The following CCDC171 variants were observed in gnomAD, a reference collection of about 807,000 sequenced individuals.
CCDC171 encodes the protein coiled-coil domain-containing protein 171.
A neutral mutation model predicts 168.2 loss-of-function variants in CCDC171; 177 were observed. The ratio of observed to expected loss-of-function variants is 1.05; its 90% CI spans 0.93 to 1.19. The LOEUF is 1.19. CCDC171 is among the 50% of genes most tolerant of loss of function. CCDC171 has a pLI of 0.00. For synonymous variants in CCDC171, 687 were observed against 540.8 expected, an observed-to-expected ratio of 1.27 and a Z score of -3.75; for missense variants, 1,991 against 1,539.0, an observed-to-expected ratio of 1.29 and a Z score of -4.91.
intron 6 of CCDC171, among the ~76,000 whole-genome samples, chr9:15,601,962 A>C (rs906389066): frequency 6.6e-6 from 1 of 152,200 alleles, no homozygotes; most frequent in Non-Finnish European, 1.5e-5. Flanking sequence ...TGGTTATACC[A>C]AAGTTTATAT....
At chr9:15,760,525 C>T (rs1421558776) in intron 18 of CCDC171, among the ~76,000 whole-genome samples, 4 of 152,116 alleles carry the variant, frequency 2.6e-5, no homozygotes, top group African/African-American at 9.7e-5. Context: ...CCTCAGTATC[C>T]TAATCTGTAA....
At chr9:15,822,403 A>C (rs2059816413) in intron 21 of CCDC171, among the ~76,000 whole-genome samples, 1 of 151,876 alleles carries the variant, frequency 6.6e-6, no homozygotes, top group Admixed American at 6.6e-5. Context: ...GGCAACCTAC[A>C]GAATGGGAGA....
At chr9:15,682,710 C>T (rs1028509855) in intron 10 of CCDC171, among the ~76,000 whole-genome samples, 3 of 151,828 alleles carry the variant, frequency 2.0e-5, no homozygotes, top group African/African-American at 7.2e-5. Flanking sequence ...AGGTTTTCAA[C>T]ATAGGACATC....
At chr9:16,048,782 T>G (rs903199026) in intron 1 of CCDC171, among the ~76,000 whole-genome samples, 6 of 152,114 alleles carry the variant, frequency 3.9e-5, no homozygotes, top group African/African-American at 1.4e-4. Flanking sequence ...AGCATCCACC[T>G]TAAAGAGTTA....
intron 25 of CCDC171, among the ~76,000 whole-genome samples, chr9:15,940,011 T>C (rs187424704): frequency 7.2e-5 from 11 of 152,016 alleles, no homozygotes; most frequent in African/African-American, 2.6e-4. Flanking sequence ...TGTTTTTGTT[T>C]CTTCCAACAA....
At chr9:16,026,599 A>G (rs955633333) in intron 6 of CCDC171, among the ~76,000 whole-genome samples, 1 of 152,156 alleles carries the variant, frequency 6.6e-6, no homozygotes, top group African/African-American at 2.4e-5. Context: ...AATGGGAGAA[A>G]TATTCGCTTC....
At chr9:16,089,299 G>A in the CCDC171 span, among the ~76,000 whole-genome samples, 2 of 151,490 alleles carry the variant, frequency 1.3e-5, no homozygotes, top group East Asian at 3.9e-4. Flanking sequence ...TATAGCCATG[G>A]GCAAAAGTTT....
At chr9:16,018,359 G>T (rs3008710) in intron 3 of CCDC171, among the ~76,000 whole-genome samples, 13 of 151,926 alleles carry the variant, frequency 8.6e-5, no homozygotes, top group Non-Finnish European at 7.4e-5. Flanking sequence ...ACATTGCAGG[G>T]GGTTCCAAAG....
chr9:15,581,707 T>G (rs901150309), intron 4 of CCDC171, among the ~76,000 whole-genome samples: 1 of 151,934 alleles, frequency 6.6e-6, no homozygotes, highest in Non-Finnish European at 1.5e-5. Context: ...ATAAATTGTG[T>G]TGGGAAAACT....
chr9:16,079,724 T>C, the CCDC171 span, among the ~76,000 whole-genome samples: 1 of 152,232 alleles, frequency 6.6e-6, no homozygotes, highest in East Asian at 1.9e-4. Context: ...TTTGTGGCAC[T>C]TCGTTAGAGC....
chr9:15,601,101 G>A (rs755282082), intron 6 of CCDC171, among the ~76,000 whole-genome samples: 14 of 152,154 alleles, frequency 9.2e-5, no homozygotes, highest in Non-Finnish European at 1.5e-4. Context: ...GCGATGCCTC[G>A]CCCTGCTTCG....
intron 25 of CCDC171, among the ~76,000 whole-genome samples, chr9:15,971,387 C>G (rs932039958): frequency 6.6e-6 from 1 of 151,996 alleles, no homozygotes; most frequent in Non-Finnish European, 1.5e-5. Flanking sequence ...TAGACAAATT[C>G]TTGTTGTCTA....
chr9:15,623,472 C>CGA, intron 7 of CCDC171, 59 bp downstream of exon 7: 1 of 736,592 alleles, frequency 1.4e-6, no homozygotes, highest in Non-Finnish European at 2.1e-6. Flanking sequence ...TATGCGCGCG[C>CGA]GCGCACACAC....
intron 7 of CCDC171, among the ~76,000 whole-genome samples, chr9:15,655,628 G>A (rs1331236370): frequency 6.6e-6 from 1 of 152,182 alleles, no homozygotes; most frequent in East Asian, 1.9e-4. Context: ...ACAGGACGTA[G>A]ACTGGGAGAA....
chr9:15,674,037 G>T (rs2049326248), intron 9 of CCDC171, among the ~76,000 whole-genome samples: 1 of 152,080 alleles, frequency 6.6e-6, no homozygotes, highest in Non-Finnish European at 1.5e-5. Flanking sequence ...ACCTATTATT[G>T]GTCTATTCAG....
At chr9:15,833,375 C>G (rs1235908608) in intron 21 of CCDC171, among the ~76,000 whole-genome samples, 1 of 152,062 alleles carries the variant, frequency 6.6e-6, no homozygotes, top group Non-Finnish European at 1.5e-5. Flanking sequence ...TTATACATTT[C>G]CATCTGGAAA....
At chr9:15,629,630 C>A (rs536931532) in intron 7 of CCDC171, among the ~76,000 whole-genome samples, 1 of 152,290 alleles carries the variant, frequency 6.6e-6, no homozygotes, top group African/African-American at 2.4e-5. Flanking sequence ...AGAACTTCCC[C>A]AATCTAGCAA....
In CCDC171 at chr9:15,744,356, G is replaced by T; in HGVS notation, c.2133G>T (p.Ser711=). 2 of 1,613,678 alleles carry T rather than the reference G, an allele frequency of 1.2e-6. No individual in the cohort carries two copies. Among genetic ancestry groups the T allele is most frequent in the Non-Finnish European group, 8.5e-7 (1 of 1,179,720 alleles). The change falls in exon 17 of 26, where the codon TCG becomes TCT. Residue 711 remains serine (S), a synonymous_variant. Transcript: ENST00000380701. ...ATGAACAGTTGGTTCTTGAAAATTCGCACTTCAAAAAACTGTTATCACAGA... is the reference window on the plus strand; with the variant it reads ...ATGAACAGTTGGTTCTTGAAAATTCTCACTTCAAAAAACTGTTATCACAGA... The part of the protein sequence containing the change: ...KSHEQLVLEN[S]HFKKLLSQTQ...
chr9:15,665,072 A>G (rs186965445), intron 8 of CCDC171, among the ~76,000 whole-genome samples: 62 of 152,250 alleles, frequency 4.1e-4, no homozygotes, highest in Admixed American at 9.2e-4. Context: ...ACTCACGTCA[A>G]TGGTGTTTTA....
Sources: allele counts gnomAD v4.1 joint callset (sites outside exome capture counted in the v4.1 genomes callset), GRCh38; gene constraint gnomAD v4.1.1; transcripts MANE v1.5; gene names NCBI Gene and HGNC (gene_info 2026-07-23, HGNC 2026-07-21).